PLEKHA5: variants seen among roughly 807,000 people sequenced by gnomAD.
PLEKHA5 encodes pleckstrin homology domain containing A5.
In PLEKHA5, 55 loss-of-function variants were observed where a neutral mutation model predicts 181.9. The ratio of observed to expected loss-of-function variants is 0.30; its 90% CI spans 0.24 to 0.38. The LOEUF is 0.38. PLEKHA5 is among the 10% of genes least tolerant of loss of function. PLEKHA5 has a pLI of 1.00. For missense variants in PLEKHA5, 1,432 were observed against 1,549.5 expected, an observed-to-expected ratio of 0.92 and a Z score of 1.27; for synonymous variants, 535 against 529.4, an observed-to-expected ratio of 1.01 and a Z score of -0.15.
intron 15 of PLEKHA5, chr12:19,306,386 C>T (rs1266979387): frequency 6.1e-5 from 32 of 521,606 alleles, no homozygotes. Flanking sequence ...TTCCCCTCCC[C>T]CGCGGCGTGC....
intron 12 of PLEKHA5, among the ~76,000 whole-genome samples, chr12:19,285,770 T>C (rs1327142139): frequency 2.0e-5 from 3 of 152,260 alleles, no homozygotes; most frequent in Non-Finnish European, 2.9e-5. Context: ...AATAATTTTA[T>C]TGAACCTTAA....
At chr12:19,338,607 C>CA (rs779360545) in intron 21 of PLEKHA5, among the ~76,000 whole-genome samples, 2,143 of 129,560 alleles carry the variant, frequency 0.017, 46 homozygotes, top group African/African-American at 0.051. Flanking sequence ...GACTCTGTCT[C>CA]AAAAAAAAAA....
Position 19,287,462 on chromosome 12 carries a change from T to C in PLEKHA5, c.1780-11T>C, listed in dbSNP as rs756788309. The C allele has an allele frequency of 2.5e-5, 39 of 1,578,702 alleles. No individual in the cohort carries two copies. In the Admixed American group the frequency reaches 6.4e-4, roughly 26 times the overall value. ...TTACCACAGAATTACATTGTGCCTT[T>C]ACTTTCCTAGCATGTCTATGTGCCT... On this transcript the variant is annotated splice_polypyrimidine_tract_variant and intron_variant, in intron 12 of 31. Transcript: ENST00000429027.
At chr12:19,257,840 A>G (rs1324401999) in intron 6 of PLEKHA5, among the ~76,000 whole-genome samples, 2 of 152,164 alleles carry the variant, frequency 1.3e-5, no homozygotes, top group South Asian at 2.1e-4. Flanking sequence ...AGACAGAAAT[A>G]TTTTTAAAAT....
chr12:19,176,631 A>G (rs1341137438), intron 3 of PLEKHA5: 1 of 152,172 alleles, frequency 6.6e-6, no homozygotes, highest in African/African-American at 2.4e-5. Context: ...TTGTAAAGGT[A>G]TTAAGTCTTG....
chr12:19,245,082 A>G (rs969735836), intron 3 of PLEKHA5, among the ~76,000 whole-genome samples: 1 of 152,224 alleles, frequency 6.6e-6, no homozygotes, highest in African/African-American at 2.4e-5. Flanking sequence ...AGGTAGAAAC[A>G]AAATCTCTAA....
rs753398123 is a variant in PLEKHA5 at position 19,348,486 on chromosome 12, C to A, written c.2986C>A (p.Pro996Thr). The A allele has an allele frequency of 6.3e-7, 1 of 1,580,868 alleles. No homozygotes were observed. Among genetic ancestry groups the A allele is most frequent in the South Asian group, 1.2e-5 (1 of 85,210 alleles). The stretch of plus-strand genomic sequence containing the variant: ...ATCTAATGGAGAAGAAAAATCAGAA[C>A]CTGTTTCAGAGATAGAAACTTCAGT... Reference protein sequence around the residue: ...DESNGEEKSEPVSEIETSVVK... With the variant: ...DESNGEEKSETVSEIETSVVK... The change falls in exon 25 of 32, where the codon CCT (proline) becomes ACT (threonine). Residue 996 changes from proline (P) to threonine (T), a missense_variant. Pro to Thr is a conservative substitution (Grantham distance 38, BLOSUM62 -1). Around this residue, in one of 2 missense-constraint regions of PLEKHA5, gnomAD observed 1,143 missense variants for 1,168.4 expected, o/e 0.98. Coordinates refer to ENST00000429027, the MANE Select transcript of PLEKHA5 (RefSeq NM_001256470.2).
At chr12:19,146,825 A>T (rs931507077) in intron 3 of PLEKHA5, among the ~76,000 whole-genome samples, 1 of 152,170 alleles carries the variant, frequency 6.6e-6, no homozygotes, top group Non-Finnish European at 1.5e-5. Context: ...GGAAAGTAGC[A>T]ATGTGTTAGA....
intron 11 of PLEKHA5, among the ~76,000 whole-genome samples, chr12:19,281,208 C>A (rs1458345727): frequency 3.5e-5 from 5 of 143,968 alleles, no homozygotes; most frequent in African/African-American, 1.3e-4. Flanking sequence ...GCCTGGGTGA[C>A]AGAGTGAGAA....
chr12:19,200,177 A>T, intron 3 of PLEKHA5: 1 of 574,170 alleles, frequency 1.7e-6, no homozygotes, highest in South Asian at 2.4e-5. Context: ...GAGGTGATGG[A>T]TCCCCTCAAA....
At chr12:19,195,511 A>C (rs528031832) in intron 3 of PLEKHA5, among the ~76,000 whole-genome samples, 1 of 152,004 alleles carries the variant, frequency 6.6e-6, no homozygotes, top group South Asian at 2.1e-4. Flanking sequence ...CTACAAAAAA[A>C]TACAAAAATT....
At chr12:19,169,787 C>T (rs2045465637) in intron 3 of PLEKHA5, among the ~76,000 whole-genome samples, 1 of 152,180 alleles carries the variant, frequency 6.6e-6, no homozygotes, top group African/African-American at 2.4e-5. Context: ...AATTGGGCCA[C>T]AGTCTCTTGG....
chr12:19,375,152 C>T (rs566181427), intron 31 of PLEKHA5, among the ~76,000 whole-genome samples: 5 of 151,888 alleles, frequency 3.3e-5, no homozygotes, highest in East Asian at 2.0e-4. Flanking sequence ...GGTGAAACCC[C>T]GTCTCTACTA....
At chr12:19,201,668 G>A (rs1288846304) in intron 3 of PLEKHA5, 1 of 152,066 alleles carries the variant, frequency 6.6e-6, no homozygotes, top group Non-Finnish European at 1.5e-5. Context: ...GGTATACGAT[G>A]ACTGAACTTT....
chr12:19,202,114 A>G (rs910857860), intron 3 of PLEKHA5: 5 of 517,552 alleles, frequency 9.7e-6, no homozygotes, highest in Middle Eastern at 9.1e-4. Flanking sequence ...AATTATTTTC[A>G]GTAGTTTTGC....
intron 3 of PLEKHA5, among the ~76,000 whole-genome samples, chr12:19,217,473 C>G (rs1398118227): frequency 1.3e-5 from 2 of 152,108 alleles, no homozygotes; most frequent in Non-Finnish European, 2.9e-5. Flanking sequence ...TTTAATTGTG[C>G]CAGTTGCTTT....
chr12:19,161,067 T>A (rs888729187), intron 3 of PLEKHA5, among the ~76,000 whole-genome samples: 2 of 152,222 alleles, frequency 1.3e-5, no homozygotes, highest in Non-Finnish European at 2.9e-5. Context: ...GTTTAGTAAA[T>A]CTGAGTTTTT....
At chr12:19,228,893 A>G (rs1434619053) in intron 3 of PLEKHA5, among the ~76,000 whole-genome samples, 1 of 152,188 alleles carries the variant, frequency 6.6e-6, no homozygotes, top group Non-Finnish European at 1.5e-5. Context: ...TCAAATCTCA[A>G]ACCATTTATG....
intron 12 of PLEKHA5, among the ~76,000 whole-genome samples, chr12:19,286,046 T>G (rs2077144936): frequency 6.6e-6 from 1 of 152,258 alleles, no homozygotes; most frequent in South Asian, 2.1e-4. Context: ...CAGTATTTGT[T>G]ACTGATAACA....
Sources: allele counts gnomAD v4.1 joint callset (sites outside exome capture counted in the v4.1 genomes callset), GRCh38; gene constraint gnomAD v4.1.1; regional missense constraint gnomAD v4.1.1; transcripts MANE v1.5; gene names NCBI Gene and HGNC (gene_info 2026-07-23, HGNC 2026-07-21).